The following ZNF679 variants were observed in gnomAD, a reference collection of about 807,000 sequenced individuals.
The protein encoded by ZNF679 is zinc finger protein 679.
Under a neutral mutation model 13.4 loss-of-function variants are expected in ZNF679, and 10 were observed. The observed-to-expected ratio is 0.75, with a 90% CI of 0.46 to 1.27. The LOEUF is 1.27. Ranked by LOEUF, ZNF679 falls within the 50% of genes most tolerant of loss-of-function variation. The probability of loss-of-function intolerance (pLI) is 0.00; values close to 1 mark genes in which losing one functional copy is unlikely to be tolerated. For synonymous variants in ZNF679, 179 were observed against 162.5 expected (o/e 1.10, Z -0.77); for missense variants, 525 against 477.8 (o/e 1.10, Z -0.92).
At chr7:64,232,898 G>A (rs1424011583) in intron 1 of ZNF679, among the ~76,000 whole-genome samples, 2 of 152,152 alleles carry the variant, frequency 1.3e-5, no homozygotes, top group Admixed American at 6.5e-5. Context: ...ATTCCTAAAT[G>A]TTTAATCCAG....
In ZNF679 at chr7:64,266,717, G is replaced by A. The variant is rs762497518; in HGVS notation, c.1084G>A (p.Ala362Thr). The part of the protein sequence containing the change: ...YKCKECGKAF[A>T]FSSTLNTHKR... ...ATGTAAAGAATGTGGGAAAGCCTTTGCCTTCTCCTCAACTCTTAATACTCA... is the reference window on the plus strand; with the variant it reads ...ATGTAAAGAATGTGGGAAAGCCTTTACCTTCTCCTCAACTCTTAATACTCA... The change falls in exon 5 of 5, where the codon GCC becomes ACC. Residue 362 changes from alanine to threonine, a missense_variant. Ala to Thr is a moderately conservative substitution (Grantham distance 58). Coordinates refer to ENST00000421025, the MANE Select transcript of ZNF679 (RefSeq NM_153363.3). 2 of 1,612,070 alleles carry A rather than the reference G, an allele frequency of 1.2e-6. No homozygotes were observed. Among genetic ancestry groups the A allele is most frequent in the African/African-American group, 2.7e-5 (2 of 74,734 alleles).
chr7:64,235,239 A>C (rs1485016748), intron 1 of ZNF679, among the ~76,000 whole-genome samples: 1 of 152,062 alleles, frequency 6.6e-6, no homozygotes, highest in Non-Finnish European at 1.5e-5. Context: ...CATGTTCCTG[A>C]ACAACCCATG....
chr7:64,255,403 C>G (rs541909745), intron 2 of ZNF679, among the ~76,000 whole-genome samples: 1 of 152,150 alleles, frequency 6.6e-6, no homozygotes. Context: ...TGTGCCTACA[C>G]GTTTCCTGGC....
chr7:64,264,185 T>C (rs1788113376), intron 4 of ZNF679, among the ~76,000 whole-genome samples: 1 of 152,052 alleles, frequency 6.6e-6, no homozygotes, highest in Admixed American at 6.6e-5. Flanking sequence ...CTATAAAGAT[T>C]TTTTCTTTGT....
chr7:64,256,488 C>T (rs1263373719), intron 2 of ZNF679, among the ~76,000 whole-genome samples: 3 of 152,104 alleles, frequency 2.0e-5, no homozygotes, highest in Non-Finnish European at 4.4e-5. Flanking sequence ...TGAAAAATTG[C>T]CAAACTGTTT....
chr7:64,266,611 T>A lies in ZNF679; in HGVS notation c.978T>A (p.Cys326Ter), dbSNP rs759904210. Residue 326 changes from cysteine (C) to a stop codon, truncating the protein, a stop_gained, in exon 5 of 5, where the codon TGT (cysteine) becomes TGA (stop). Coordinates refer to ENST00000421025, the MANE Select transcript of ZNF679 (RefSeq NM_153363.3). LOFTEE classifies it low-confidence loss of function (END_TRUNC). ...ATACTGGAGAGAAACCCTACACATG[T>A]GAAGAATGTGGCAAAGCCTTTAACT... The part of the protein sequence containing the change: ...RIHTGEKPYT[C>*]EECGKAFNCS... The A allele has an allele frequency of 2.5e-6, 4 of 1,610,760 alleles. No individual in the cohort carries two copies. The South Asian group carries it at 4.4e-5, about 18-fold the overall frequency.
chr7:64,251,651 A>C (rs1787945986), intron 2 of ZNF679, among the ~76,000 whole-genome samples: 1 of 152,162 alleles, frequency 6.6e-6, no homozygotes, highest in African/African-American at 2.4e-5. Flanking sequence ...TCTGGGTCTT[A>C]GTACTGCTTT....
chr7:64,229,870 A>C (rs1436423724), intron 1 of ZNF679, among the ~76,000 whole-genome samples: 1 of 152,180 alleles, frequency 6.6e-6, no homozygotes, highest in Non-Finnish European at 1.5e-5. Context: ...ATATGTCAGC[A>C]TTCTCCTTGT....
chr7:64,264,616 T>C (rs117539015), intron 4 of ZNF679, among the ~76,000 whole-genome samples: 5,038 of 152,204 alleles, frequency 0.033, 182 homozygotes, highest in East Asian at 0.17. Context: ...TTTTTCTTTA[T>C]TTTGTAGTAT....
intron 1 of ZNF679, among the ~76,000 whole-genome samples, chr7:64,230,263 G>C (rs1787618631): frequency 6.6e-6 from 1 of 152,116 alleles, no homozygotes; most frequent in South Asian, 2.1e-4. Flanking sequence ...GCCGGGCGCG[G>C]TGGCTCACGC....
chr7:64,262,762 C>G (rs1439271886), intron 4 of ZNF679, among the ~76,000 whole-genome samples: 2 of 152,064 alleles, frequency 1.3e-5, no homozygotes, highest in African/African-American at 4.8e-5. Context: ...CTCTGTTTTT[C>G]ACGTGTGTTT....
chr7:64,266,646 C>T lies in ZNF679; in HGVS notation c.1013C>T (p.Thr338Ile), dbSNP rs111583875. 6.2e-6 allele frequency: 10 copies of T among 1,610,250 alleles called. No individual in the cohort carries two copies. The African/African-American group carries it at 9.4e-5, about 15-fold the overall frequency. ...GGCAAAGCCTTTAACTGCTCCTCAA[C>T]CCTTAAGAAACATAAGATAATTCAT... ...ECGKAFNCSS[T>I]LKKHKIIHTG... is the part of the protein sequence containing the mutation. Residue 338 changes from threonine to isoleucine, a missense_variant, in exon 5 of 5, where the codon ACC becomes ATC. Thr to Ile is a moderately conservative substitution (Grantham distance 89, BLOSUM62 -1). Coordinates refer to ENST00000421025, the MANE Select transcript of ZNF679 (RefSeq NM_153363.3).
intron 1 of ZNF679, among the ~76,000 whole-genome samples, chr7:64,234,931 G>A (rs1423178369): frequency 6.6e-6 from 1 of 152,152 alleles, no homozygotes; most frequent in Admixed American, 6.6e-5. Flanking sequence ...TCTACCTCCA[G>A]GGTTCAAGCG....
At chr7:64,244,061 C>G (rs372474096) in intron 1 of ZNF679, among the ~76,000 whole-genome samples, 2 of 152,146 alleles carry the variant, frequency 1.3e-5, no homozygotes, top group South Asian at 4.2e-4. Context: ...GACAGCCTGA[C>G]CAATATGGTG....
intron 2 of ZNF679, among the ~76,000 whole-genome samples, chr7:64,257,788 G>T (rs1299457480): frequency 6.6e-6 from 1 of 152,164 alleles, no homozygotes; most frequent in East Asian, 1.9e-4. Flanking sequence ...CAAATGTAGT[G>T]GGTGTAAGGG....
At chr7:64,257,783 G>T (rs1406905271) in intron 2 of ZNF679, among the ~76,000 whole-genome samples, 1 of 152,198 alleles carries the variant, frequency 6.6e-6, no homozygotes, top group Non-Finnish European at 1.5e-5. Flanking sequence ...TGTGACAAAT[G>T]TAGTGGGTGT....
chr7:64,236,453 G>GGA (rs796109934), intron 1 of ZNF679, among the ~76,000 whole-genome samples: 14 of 145,208 alleles, frequency 9.6e-5, no homozygotes, highest in African/African-American at 3.3e-4. Context: ...TTTGTGGGGG[G>GGA]AAAAAAAAAA....
At chr7:64,264,202 C>T (rs942117429) in intron 4 of ZNF679, among the ~76,000 whole-genome samples, 1 of 151,752 alleles carries the variant, frequency 6.6e-6, no homozygotes, top group African/African-American at 2.4e-5. Flanking sequence ...TTGTGCTACA[C>T]TGGAGATTTC....
chr7:64,239,797 G>C (rs186128995), intron 1 of ZNF679, among the ~76,000 whole-genome samples: 3 of 152,288 alleles, frequency 2.0e-5, no homozygotes, highest in Non-Finnish European at 1.5e-5. Context: ...CCTAGGACGT[G>C]TGCACAGGGG....
Sources: gnomAD v4.1 joint callset for allele counts (sites outside exome capture counted in the v4.1 genomes callset) on GRCh38, gnomAD v4.1.1 for gene constraint, MANE v1.5 for transcripts, NCBI Gene and HGNC (gene_info 2026-07-23, HGNC 2026-07-21) for gene names.